Variants in TTC22 observed in about 807,000 individuals in gnomAD.
TTC22 encodes the protein tetratricopeptide repeat domain 22.
In TTC22, 42 loss-of-function variants were observed where a neutral mutation model predicts 48.2. The ratio of observed to expected loss-of-function variants is 0.87; its 90% CI spans 0.68 to 1.13. The LOEUF (loss-of-function observed/expected upper bound fraction) is 1.13, where lower values mean the gene tolerates loss of function less well. Among genes scored for constraint, TTC22 ranks in the 50% most tolerant of loss-of-function variants. TTC22 has a pLI of 0.00. For missense variants in TTC22, 784 were observed against 807.0 expected (o/e 0.97, Z 0.34); for synonymous variants, 345 against 365.5 (o/e 0.94, Z 0.64).
At chr1:54,796,544 C>G (rs944591341) in intron 1 of TTC22, among the ~76,000 whole-genome samples, 20 of 152,214 alleles carry the variant, frequency 1.3e-4, no homozygotes, top group African/African-American at 4.8e-4. Context: ...GCTCAGTGCC[C>G]GGTGCACAGA....
intron 1 of TTC22, among the ~76,000 whole-genome samples, chr1:54,788,536 A>C (rs1162138308): frequency 2.0e-5 from 3 of 152,168 alleles, no homozygotes; most frequent in Non-Finnish European, 4.4e-5. Context: ...AACCCCCCTG[A>C]ACTGTTTTGC....
intron 3 of TTC22, 119 bp downstream of exon 3, chr1:54,787,592 A>C: frequency 1.3e-6 from 1 of 747,928 alleles, no homozygotes; most frequent in Non-Finnish European, 2.3e-6. Context: ...TAGGGGACAG[A>C]GCGAAGGAGG....
intron 1 of TTC22, among the ~76,000 whole-genome samples, chr1:54,788,482 C>A (rs555307654): frequency 6.6e-6 from 1 of 152,142 alleles, no homozygotes; most frequent in African/African-American, 2.4e-5. Context: ...CTGAGAAAGT[C>A]CCTTTGGTCA....
chr1:54,794,455 A>G (rs1646375556), intron 1 of TTC22, among the ~76,000 whole-genome samples: 2 of 152,222 alleles, frequency 1.3e-5, no homozygotes, highest in Admixed American at 6.5e-5. Context: ...CACTACCCCA[A>G]TGACTTACAA....
chr1:54,786,795 T>G, intron 4 of TTC22, 162 bp downstream of exon 4: 1 of 429,296 alleles, frequency 2.3e-6, no homozygotes, highest in Non-Finnish European at 4.1e-6. Flanking sequence ...TCTTTTGTTT[T>G]GAATGAAGAG....
intron 1 of TTC22, among the ~76,000 whole-genome samples, chr1:54,791,383 T>C (rs75192634): frequency 0.094 from 14,322 of 152,136 alleles, 856 homozygotes; most frequent in Non-Finnish European, 0.14. Context: ...ATGAGATGGG[T>C]GACCTTGGGG....
chr1:54,786,310 C>G (rs977066635), intron 4 of TTC22, 166 bp from the exon 5 acceptor site: 1 of 614,394 alleles, frequency 1.6e-6, no homozygotes, highest in East Asian at 2.9e-5. Flanking sequence ...TGTCACATCA[C>G]GAAGCCCCAA....
At chr1:54,794,853 C>T (rs1225466353) in intron 1 of TTC22, 1 of 152,482 alleles carries the variant, frequency 6.6e-6, no homozygotes, top group African/African-American at 2.4e-5. Context: ...GTTTCCACCT[C>T]ATCATGCTGA....
chr1:54,782,516 C>A, intron 5 of TTC22, 39 bp from the exon 6 acceptor site: 1 of 1,512,186 alleles, frequency 6.6e-7, no homozygotes, highest in Non-Finnish European at 8.9e-7. Flanking sequence ...ATGATCCAGG[C>A]AAGGGCCTCT....
rs764644048 is a variant in TTC22, at chr1:54,788,109, G to C, written c.568-12C>G. 4 of 1,613,606 alleles carry C rather than the reference G, an allele frequency of 2.5e-6. No individual in the cohort carries two copies. Among genetic ancestry groups the C allele is most frequent in the Admixed American group, 1.7e-5 (1 of 59,992 alleles). ...TCCTCCATCGGGATCTAGGGAAACA[G>C]AGAACAGCCCACACTGCCATTACTG... On this transcript the variant is annotated splice_polypyrimidine_tract_variant and intron_variant, in intron 1 of 6. Coordinates refer to ENST00000371276, the MANE Select transcript of TTC22 (RefSeq NM_001114108.2).
At chr1:54,796,212 G>A (rs534370549) in intron 1 of TTC22, among the ~76,000 whole-genome samples, 22 of 152,408 alleles carry the variant, frequency 1.4e-4, no homozygotes, top group African/African-American at 5.0e-4. Context: ...GTGTGGACAC[G>A]CATGCGTGCA....
intron 3 of TTC22, 177 bp from the exon 4 acceptor site, chr1:54,787,252 G>C (rs1646311452): frequency 3.7e-6 from 2 of 547,080 alleles, no homozygotes; most frequent in Non-Finnish European, 6.4e-6. Flanking sequence ...CATGTGAGGG[G>C]TTAGTGAACC....
chr1:54,788,136 G>A, intron 1 of TTC22, 39 bp from the exon 2 acceptor site: 1 of 1,598,220 alleles, frequency 6.3e-7, no homozygotes, highest in Non-Finnish European at 8.6e-7. Context: ...CCATTACTGA[G>A]GTACTCTGGC....
chr1:54,786,070 C>T lies in TTC22; in HGVS notation c.933G>A (p.Gln311=), dbSNP rs1557771909. 6.2e-7 allele frequency: 1 copy of T among 1,614,120 alleles called. No individual in the cohort carries two copies. The highest frequency in any genetic ancestry group is 2.2e-5 in the East Asian group (1 of 44,876). The change falls in exon 5 of 7, where the codon CAG becomes CAA. Residue 311 remains glutamine (Q), a synonymous_variant. Coordinates refer to ENST00000371276, the MANE Select transcript of TTC22 (RefSeq NM_001114108.2). ...TGTTGCAGGTTCCAATGGCCATATCCTGCTTTCCCAGGAAGTAGAAGATTT... is the reference window on the plus strand; with the variant it reads ...TGTTGCAGGTTCCAATGGCCATATCTTGCTTTCCCAGGAAGTAGAAGATTT... ...LAKIFYFLGK[Q]DMAIGTCNMA...
rs75454272 is a variant in TTC22, at chr1:54,797,247, T to C, written c.567+3350A>G. ...AGATTTGCTACCAAGGGTCCATCTG[T>C]GAGTGTATATGTGTGTAAGAGATGG... On this transcript the variant is annotated intron_variant, in intron 1 of 6. Transcript: ENST00000371276. 2.8e-3 allele frequency among the ~76,000 whole-genome samples: 419 copies of C among 148,098 alleles called. 1 individual carries two copies. Among genetic ancestry groups the C allele is most frequent in the African/African-American group, 0.01 (405 of 40,116 alleles).
At chr1:54,788,300 G>C (rs1314411476) in intron 1 of TTC22, among the ~76,000 whole-genome samples, 2 of 152,138 alleles carry the variant, frequency 1.3e-5, no homozygotes, top group Non-Finnish European at 2.9e-5. Flanking sequence ...TCTGACTACA[G>C]AGACTTTGTG....
intron 5 of TTC22, chr1:54,785,352 G>T: frequency 3.5e-6 from 1 of 286,158 alleles, no homozygotes; most frequent in South Asian, 2.8e-5. Context: ...TGAAGTTTGT[G>T]GGGGTAAGTG....
chr1:54,782,280 A>G (rs1302795826), intron 6 of TTC22, 45 bp downstream of exon 6: 1 of 1,479,324 alleles, frequency 6.8e-7, no homozygotes, highest in South Asian at 1.3e-5. Flanking sequence ...CAAGGAGTAA[A>G]CAGATTCTTG....
intron 5 of TTC22, chr1:54,785,643 C>T: frequency 5.1e-6 from 2 of 395,700 alleles, no homozygotes; most frequent in Non-Finnish European, 1.0e-5. Context: ...GAGACCTCGT[C>T]TCTACAAAAC....
Sources: gnomAD v4.1 joint callset for allele counts (sites outside exome capture counted in the v4.1 genomes callset) on GRCh38, gnomAD v4.1.1 for gene constraint, MANE v1.5 for transcripts, NCBI Gene and HGNC (gene_info 2026-07-23, HGNC 2026-07-21) for gene names.